ST7: variants seen among roughly 807,000 people sequenced by gnomAD.
The protein encoded by ST7 is suppression of tumorigenicity 7, also known as suppressor of tumorigenicity 7 protein.
ST7 carries 28 observed loss-of-function variants against 78.7 expected under a neutral mutation model. That is an observed-to-expected ratio of 0.36 (90% CI 0.26 to 0.49). The LOEUF (loss-of-function observed/expected upper bound fraction) is 0.49. Ranked by LOEUF, ST7 falls within the 20% of genes least tolerant of loss-of-function variation. ST7 has a pLI of 0.99. For missense variants in ST7, 418 were observed against 696.0 expected, an observed-to-expected ratio of 0.60 and a Z score of 4.49; for synonymous variants, 247 against 249.6, an observed-to-expected ratio of 0.99 and a Z score of 0.10.
At chr7:117,186,988 T>G (rs1310804516) in intron 10 of ST7, among the ~76,000 whole-genome samples, 1 of 152,238 alleles carries the variant, frequency 6.6e-6, no homozygotes, top group Non-Finnish European at 1.5e-5. Context: ...CTAAGTGCTC[T>G]GCAGAAAAAT....
intron 1 of ST7, among the ~76,000 whole-genome samples, chr7:116,995,114 T>C (rs192077074): frequency 2.0e-5 from 3 of 152,266 alleles, no homozygotes; most frequent in Admixed American, 2.0e-4. Flanking sequence ...TAAATTCTCC[T>C]CAAAATCTTC....
At chr7:117,087,170 A>G (rs1800216471) in intron 1 of ST7, among the ~76,000 whole-genome samples, 1 of 152,264 alleles carries the variant, frequency 6.6e-6, no homozygotes, top group South Asian at 2.1e-4. Context: ...CATGGCCTGT[A>G]GCTGCTTCTC....
Position 117,229,938 on chromosome 7 carries a change from C to A in ST7, c.*81C>A. The stretch of plus-strand genomic sequence containing the variant: ...CAACTCCTTGTGGACCGCAAGAAAG[C>A]ATGACTTTGAAAAAGGGAAGCCATT... On this transcript the variant is annotated 3_prime_UTR_variant, in exon 16 of 16. Coordinates refer to ENST00000323984, the MANE Select transcript of ST7 (RefSeq NM_001369598.1). 3 of 1,215,882 alleles carry A rather than the reference C, an allele frequency of 2.5e-6. No individual in the cohort carries two copies. Among genetic ancestry groups the A allele is most frequent in the Middle Eastern group, 1.9e-4 (1 of 5,326 alleles). 75.3% of individuals were successfully genotyped at this position (1,215,882 alleles called of 1,614,324 possible). A position where few individuals can be genotyped will look rare whatever the true frequency, so the allele number is the denominator to read the frequency against.
chr7:117,206,469 G>T (rs1245248688), intron 12 of ST7, among the ~76,000 whole-genome samples: 2 of 152,152 alleles, frequency 1.3e-5, no homozygotes, highest in Non-Finnish European at 2.9e-5. Context: ...ATATAAGGTG[G>T]CGTGTGATTA....
intron 12 of ST7, among the ~76,000 whole-genome samples, chr7:117,197,307 A>T (rs1184550884): frequency 1.3e-5 from 2 of 152,318 alleles, no homozygotes; most frequent in African/African-American, 4.8e-5. Context: ...GGTGTGAGGG[A>T]CTGTGCACAC....
At chr7:117,071,555 T>C (rs1355830495) in intron 1 of ST7, among the ~76,000 whole-genome samples, 1 of 152,240 alleles carries the variant, frequency 6.6e-6, no homozygotes, top group Non-Finnish European at 1.5e-5. Context: ...TTTGCCAAAG[T>C]AAGATATTTG....
chr7:117,229,982 C>A lies in ST7; in HGVS notation c.*125C>A. 3.4e-6 allele frequency: 3 copies of A among 874,888 alleles called. No individual in the cohort carries two copies. Among genetic ancestry groups the A allele is most frequent in the South Asian group, 1.3e-5 (1 of 75,540 alleles). 54.2% of individuals were successfully genotyped at this position (874,888 alleles called of 1,614,324 possible). On this transcript the variant is annotated 3_prime_UTR_variant, in exon 16 of 16. Transcript: ENST00000323984. ...AGCCATTCCGAGATTTTAAAATGTT[C>A]ATGGACTATTCCATATTAAAAGCTG...
intron 10 of ST7, among the ~76,000 whole-genome samples, chr7:117,179,451 G>C (rs1189195437): frequency 1.3e-5 from 2 of 152,204 alleles, no homozygotes; most frequent in Non-Finnish European, 2.9e-5. Flanking sequence ...TAAGTATAAA[G>C]ATTGTGATAC....
chr7:117,218,248 C>T (rs1792839705), intron 13 of ST7, among the ~76,000 whole-genome samples: 1 of 152,146 alleles, frequency 6.6e-6, no homozygotes, highest in Non-Finnish European at 1.5e-5. Flanking sequence ...TATTTTATAT[C>T]TACAGCAGGC....
chr7:117,159,390 AG>A (rs1435116300), intron 9 of ST7, among the ~76,000 whole-genome samples: 1 of 152,162 alleles, frequency 6.6e-6, no homozygotes, highest in African/African-American at 2.4e-5. Context: ...GACTCACAGG[AG>A]AGTTAGCGTT....
At chr7:117,031,254 GC>G (rs1018251107) in intron 1 of ST7, among the ~76,000 whole-genome samples, 1 of 151,680 alleles carries the variant, frequency 6.6e-6, no homozygotes, top group Non-Finnish European at 1.5e-5. Context: ...TGGGTACTGC[GC>G]TTATTACTGA....
At chr7:116,996,936 G>A (rs963034905) in intron 1 of ST7, among the ~76,000 whole-genome samples, 1 of 152,198 alleles carries the variant, frequency 6.6e-6, no homozygotes, top group Non-Finnish European at 1.5e-5. Context: ...CCTTCTAGAA[G>A]AGTCACAAGG....
chr7:117,209,155 T>G (rs1336137509), intron 12 of ST7, among the ~76,000 whole-genome samples: 3 of 151,968 alleles, frequency 2.0e-5, no homozygotes, highest in Admixed American at 6.6e-5. Context: ...AATGAAGAGG[T>G]GTACGCTGAG....
intron 1 of ST7, among the ~76,000 whole-genome samples, chr7:117,064,651 T>A (rs1177077438): frequency 6.6e-6 from 1 of 152,244 alleles, no homozygotes; most frequent in African/African-American, 2.4e-5. Context: ...TTCTCTTATT[T>A]GTTGCTTCAT....
intron 1 of ST7, among the ~76,000 whole-genome samples, chr7:117,091,991 C>T (rs753467297): frequency 1.3e-5 from 2 of 152,138 alleles, no homozygotes; most frequent in Non-Finnish European, 2.9e-5. Flanking sequence ...TAGAGGCTGC[C>T]TGTGGTCCAC....
intron 1 of ST7, among the ~76,000 whole-genome samples, chr7:116,975,083 A>G (rs973330792): frequency 2.0e-5 from 3 of 152,206 alleles, no homozygotes; most frequent in Non-Finnish European, 4.4e-5. Context: ...GGTAATTTAT[A>G]AAGAAAAAGA....
chr7:117,013,169 G>A (rs1014167023), intron 1 of ST7, among the ~76,000 whole-genome samples: 2 of 152,208 alleles, frequency 1.3e-5, no homozygotes, highest in African/African-American at 2.4e-5. Flanking sequence ...GGCAGTCAGC[G>A]TTTCCACACA....
chr7:117,103,460 A>AACTGTAATTGTCAGTTG (rs1463595902), intron 2 of ST7, among the ~76,000 whole-genome samples: 5 of 152,398 alleles, frequency 3.3e-5, no homozygotes, highest in Admixed American at 6.5e-5. Context: ...ATTTACAGTC[A>AACTGTAATTGTCAGTTG]ACTCATTTTC....
In ST7 at chr7:117,097,909, T is replaced by TATAA. The variant is rs1554436004; in HGVS notation, c.152-1853_152-1852insATAA. Among the ~76,000 whole-genome samples, 7 of 15,374 alleles carry TATAA rather than the reference T, an allele frequency of 4.6e-4. 2 individuals carry two copies. The highest frequency in any genetic ancestry group is 8.3e-4 in the African/African-American group (4 of 4,828). The allele number at this position is 15,374 out of a possible 152,430, so 10.1% of individuals were successfully genotyped here. A position where few individuals can be genotyped will look rare whatever the true frequency, so the allele number is the denominator to read the frequency against. ...ATATATATATATATATATATATATA[T>TATAA]TTTTTTTTTTTTTTTTTTTGATGGC... On this transcript the variant is annotated intron_variant, in intron 1 of 15. Transcript: ENST00000323984.
Sources: gnomAD v4.1 joint callset for allele counts (sites outside exome capture counted in the v4.1 genomes callset) on GRCh38, gnomAD v4.1.1 for gene constraint, MANE v1.5 for transcripts, NCBI Gene and HGNC (gene_info 2026-07-23, HGNC 2026-07-21) for gene names.